The following TPGS2 variants were observed in gnomAD, a reference collection of about 807,000 sequenced individuals.
The protein encoded by TPGS2 is polyglutamylase subunit 2.
In TPGS2, 26 loss-of-function variants were observed where a neutral mutation model predicts 31.1. The ratio of observed to expected loss-of-function variants is 0.84; its 90% CI spans 0.61 to 1.16. The LOEUF (loss-of-function observed/expected upper bound fraction) is 1.16. Among genes scored for constraint, TPGS2 ranks in the 50% most tolerant of loss-of-function variants. The pLI is 0.00. For missense variants in TPGS2, 351 were observed against 363.8 expected, an observed-to-expected ratio of 0.96 and a Z score of 0.29; for synonymous variants, 130 against 136.6, an observed-to-expected ratio of 0.95 and a Z score of 0.34.
rs919277214 is a variant in TPGS2 at position 36,823,460 on chromosome 18, G to GTTTTTTTTTTTTTTTT, written c.86-4503_86-4488dup. 1.9e-3 allele frequency among the ~76,000 whole-genome samples: 210 copies of GTTTTTTTTTTTTTTTT among 108,048 alleles called. 14 individuals carry two copies. The highest frequency in any genetic ancestry group is 3.5e-3 in the Admixed American group (33 of 9,564). The allele number at this position is 108,048 out of a possible 152,430, so 70.9% of individuals were successfully genotyped here. On this transcript the variant is annotated intron_variant, in intron 1 of 6. Coordinates refer to ENST00000334295, the MANE Select transcript of TPGS2 (RefSeq NM_015476.4). ...TCTCTGACTTCCTTGTTAACAGCTT[G>GTTTTTTTTTTTTTTTT]TTTTTTTTTTTTTTTTTTGAGACGG...
In TPGS2 at chr18:36,828,802, G is replaced by A. The variant is rs1198768005; in HGVS notation, c.-35C>T. On this transcript the variant is annotated 5_prime_UTR_variant, in exon 1 of 7. Transcript: ENST00000334295. ...CCGCGATTCGCGCGCGGCGGGAGCGGGTGGAGGGCCGGACCCCGCCTCAGC... is the reference window on the plus strand; with the variant it reads ...CCGCGATTCGCGCGCGGCGGGAGCGAGTGGAGGGCCGGACCCCGCCTCAGC... The A allele has an allele frequency of 1.2e-6, 2 of 1,608,536 alleles. No individual in the cohort carries two copies. Among genetic ancestry groups the A allele is most frequent in the Non-Finnish European group, 8.5e-7 (1 of 1,177,508 alleles).
chr18:36,789,391 C>G (rs1162853141), downstream of TPGS2: 1 of 152,076 alleles, frequency 6.6e-6, no homozygotes, highest in African/African-American at 2.4e-5. Context: ...AATATGGTAG[C>G]CACTAGACAT....
At chr18:36,797,467 T>TG (rs937962953) in intron 6 of TPGS2, among the ~76,000 whole-genome samples, 1 of 149,210 alleles carries the variant, frequency 6.7e-6, no homozygotes, top group Non-Finnish European at 1.5e-5. Flanking sequence ...GAGGCTAGTG[T>TG]GGGCCTCTGC....
rs1238555745 is a variant in TPGS2, at chr18:36,795,330, C to CGGG, written c.*1472_*1474dup. The stretch of plus-strand genomic sequence containing the variant: ...AAAGGAAGGAAGTCTGGCCAATCAC[C>CGGG]GGGGTAGAGAGAAGTCAGGAAAGAG... On this transcript the variant is annotated 3_prime_UTR_variant, in exon 7 of 7. Transcript: ENST00000334295. The CGGG allele has an allele frequency of 1.0e-6, 1 of 985,386 alleles. No homozygotes were observed. The highest frequency in any genetic ancestry group is 1.2e-6 in the Non-Finnish European group (1 of 830,052). 61.0% of individuals were successfully genotyped at this position (985,386 alleles called of 1,614,324 possible).
At chr18:36,785,734 T>C (rs1327248239) in intron 6 of TPGS2, among the ~76,000 whole-genome samples, 8 of 152,364 alleles carry the variant, frequency 5.3e-5, no homozygotes, top group African/African-American at 1.7e-4. Flanking sequence ...GATTCCAGAA[T>C]GTTTTGTCAT....
downstream of TPGS2, among the ~76,000 whole-genome samples, chr18:36,780,765 T>TA (rs1215898339): frequency 6.6e-6 from 1 of 151,922 alleles, no homozygotes; most frequent in Non-Finnish European, 1.5e-5. Context: ...AAAGGTAGAG[T>TA]AAAAATACAG....
At chr18:36,787,211 T>A in intron 6 of TPGS2, 3 of 1,018,808 alleles carry the variant, frequency 2.9e-6, no homozygotes, top group Non-Finnish European at 3.8e-6. Context: ...TGTTCCTCTG[T>A]GTCAGCAGCA....
intron 4 of TPGS2, among the ~76,000 whole-genome samples, chr18:36,804,671 T>C (rs903347607): frequency 6.6e-6 from 1 of 152,240 alleles, no homozygotes; most frequent in African/African-American, 2.4e-5. Context: ...TTGTTCTTCC[T>C]TTCTTTCTTA....
downstream of TPGS2, chr18:36,789,288 C>T (rs896635330): frequency 6.6e-6 from 1 of 152,076 alleles, no homozygotes; most frequent in African/African-American, 2.4e-5. Context: ...CAGAATTATT[C>T]TGAAAATTAT....
chr18:36,807,862 T>A lies in TPGS2; in HGVS notation c.238A>T (p.Ser80Cys). The part of the protein sequence containing the change: ...LMTNGFHMTW[S>C]VKLDEHIIPL... ...GCTGACTCACCATCCAGCTTCACAC[T>A]CCATGTCATGTGGAAGCCATTGGTC... The change falls in exon 3 of 7, where the codon AGT becomes TGT. Residue 80 changes from serine to cysteine, a missense_variant. Coordinates refer to ENST00000334295, the MANE Select transcript of TPGS2 (RefSeq NM_015476.4). 1.2e-6 allele frequency: 2 copies of A among 1,614,148 alleles called. No individual in the cohort carries two copies. The highest frequency in any genetic ancestry group is 1.7e-6 in the Non-Finnish European group (2 of 1,180,018).
downstream of TPGS2, among the ~76,000 whole-genome samples, chr18:36,782,580 C>G (rs1441234138): frequency 6.6e-6 from 1 of 151,684 alleles, no homozygotes; most frequent in East Asian, 1.9e-4. Flanking sequence ...TTTTTTCTCT[C>G]TCTTTTTTTG....
intron 2 of TPGS2, chr18:36,817,514 C>A (rs1437399280): frequency 6.6e-6 from 1 of 151,816 alleles, no homozygotes; most frequent in Non-Finnish European, 1.5e-5. Context: ...TAGCTCACTG[C>A]AGCCTCAACC....
At chr18:36,825,503 T>A (rs1184037108) in intron 1 of TPGS2, among the ~76,000 whole-genome samples, 2 of 152,128 alleles carry the variant, frequency 1.3e-5, no homozygotes, top group Non-Finnish European at 2.9e-5. Context: ...CAATCTTATT[T>A]CATTGATCTA....
intron 4 of TPGS2, among the ~76,000 whole-genome samples, chr18:36,803,267 C>T (rs1006915044): frequency 6.6e-6 from 1 of 152,188 alleles, no homozygotes; most frequent in Admixed American, 6.5e-5. Flanking sequence ...AACGTTTCCC[C>T]TTTCCCTGTC....
intron 6 of TPGS2, chr18:36,789,044 C>T (rs974578115): frequency 1.3e-5 from 2 of 152,118 alleles, no homozygotes; most frequent in African/African-American, 4.8e-5. Flanking sequence ...CTGGGGCTGC[C>T]TTGGGGTCTT....
chr18:36,814,242 G>A (rs774325314), intron 2 of TPGS2, among the ~76,000 whole-genome samples: 1 of 152,192 alleles, frequency 6.6e-6, no homozygotes, highest in Non-Finnish European at 1.5e-5. Flanking sequence ...TGCTTTCCTG[G>A]TGCTTGAAAG....
Position 36,796,544 on chromosome 18 carries a change from G to A in TPGS2, c.*261C>T. ...ATTGAGGGTTGAGTGTTGAAGAAGAGGAAAGCACTCAGACTTATTTGGGCA... is the reference window on the plus strand; with the variant it reads ...ATTGAGGGTTGAGTGTTGAAGAAGAAGAAAGCACTCAGACTTATTTGGGCA... On this transcript the variant is annotated 3_prime_UTR_variant, in exon 7 of 7. Transcript: ENST00000334295. 4.7e-6 allele frequency: 6 copies of A among 1,279,706 alleles called. No homozygotes were observed. The highest frequency in any genetic ancestry group is 5.9e-6 in the Non-Finnish European group (6 of 1,017,236). The allele number at this position is 1,279,706 out of a possible 1,614,324, so 79.3% of individuals were successfully genotyped here. A position where few individuals can be genotyped will look rare whatever the true frequency, so the allele number is the denominator to read the frequency against.
intron 1 of TPGS2, among the ~76,000 whole-genome samples, chr18:36,828,125 G>A (rs966153537): frequency 6.6e-6 from 1 of 151,772 alleles, no homozygotes. Context: ...CCGAGATCGC[G>A]CCATTGCACT....
rs182472852 is a variant in TPGS2 at position 36,823,945 on chromosome 18, A to G, written c.85+4738T>C. The G allele has an allele frequency of 7.8e-4, 598 of 765,534 alleles. 2 individuals carry two copies. The highest frequency in any genetic ancestry group is 2.4e-3 in the Admixed American group (38 of 15,994). 47.4% of individuals were successfully genotyped at this position (765,534 alleles called of 1,614,324 possible). ...TTTAAAAATAGCTTTACTGAGACAT[A>G]ATTCGCATACCATAATTTATAAAGT... On this transcript the variant is annotated intron_variant, in intron 1 of 6. Transcript: ENST00000334295.
Sources: gnomAD v4.1 joint callset for allele counts (sites outside exome capture counted in the v4.1 genomes callset) on GRCh38, gnomAD v4.1.1 for gene constraint, MANE v1.5 for transcripts, NCBI Gene and HGNC (gene_info 2026-07-23, HGNC 2026-07-21) for gene names.